NEDD1: variants seen among roughly 807,000 people sequenced by gnomAD.
NEDD1 encodes the protein NEDD1 gamma-tubulin ring complex targeting factor.
A neutral mutation model predicts 74.0 loss-of-function variants in NEDD1; 33 were observed. The observed-to-expected ratio is 0.45, with a 90% confidence interval of 0.34 to 0.60. The LOEUF (loss-of-function observed/expected upper bound fraction) is 0.60. Among genes scored for constraint, NEDD1 ranks in the 20% least tolerant of loss-of-function variants. NEDD1 has a pLI of 0.01. For synonymous variants in NEDD1, 250 were observed against 264.4 expected (o/e 0.95, Z 0.53); for missense variants, 746 against 776.5 (o/e 0.96, Z 0.47).
rs139494296 is a variant in NEDD1 at position 96,922,595 on chromosome 12, A to G, written c.489+2470A>G. Among the ~76,000 whole-genome samples the G allele has an allele frequency of 2.0e-5, 3 of 152,344 alleles. No homozygotes were observed. The East Asian group carries it at 5.8e-4, about 29-fold the overall frequency. ...ATTCCTGAAAACATTAGGTTTGACT[A>G]TACCTTTTGGCCTAATTTTGTGTAA... On this transcript the variant is annotated intron_variant, in intron 6 of 15. Transcript: ENST00000266742.
intron 7 of NEDD1, 69 bp from the exon 8 acceptor site, chr12:96,936,538 ATAGT>A: frequency 1.0e-6 from 1 of 1,002,958 alleles, no homozygotes; most frequent in Admixed American, 1.9e-5. Flanking sequence ...GTTTTGGTAT[ATAGT>A]TACTTATATA....
intron 3 of NEDD1, among the ~76,000 whole-genome samples, chr12:96,912,188 G>A (rs182224477): frequency 2.6e-5 from 4 of 151,406 alleles, no homozygotes; most frequent in Admixed American, 6.6e-5. Context: ...GCAAGTTACT[G>A]TAATAGTCAT....
At chr12:96,908,183 A>G (rs571390766) in intron 2 of NEDD1, among the ~76,000 whole-genome samples, 1 of 152,238 alleles carries the variant, frequency 6.6e-6, no homozygotes, top group Non-Finnish European at 1.5e-5. Flanking sequence ...ACATCTCTGC[A>G]GGTGACTTTA....
chr12:96,935,731 A>C (rs559014945), intron 7 of NEDD1, among the ~76,000 whole-genome samples: 2 of 152,234 alleles, frequency 1.3e-5, no homozygotes, highest in South Asian at 4.1e-4. Flanking sequence ...CCACTTGAGA[A>C]ATACTGATTA....
Position 96,930,843 on chromosome 12 carries a change from C to T in NEDD1, c.490-4133C>T, listed in dbSNP as rs116322130. Among the ~76,000 whole-genome samples, 22 of 152,268 alleles carry T rather than the reference C, an allele frequency of 1.4e-4. No individual in the cohort carries two copies. In the South Asian group the frequency reaches 2.9e-3, roughly 20 times the overall value. ...ATACACACACATACATGCACACACA[C>T]GTACACATGCACTCACAGTATTGAC... is the stretch of plus-strand genomic sequence containing the variant. On this transcript the variant is annotated intron_variant, in intron 6 of 15. Coordinates refer to ENST00000266742, the MANE Select transcript of NEDD1 (RefSeq NM_152905.4).
chr12:96,937,103 A>C, intron 8 of NEDD1, 95 bp from the exon 9 acceptor site: 1 of 714,180 alleles, frequency 1.4e-6, no homozygotes, highest in Non-Finnish European at 2.1e-6. Context: ...AAGGAAAAAA[A>C]TATATTTTTT....
Position 96,909,903 on chromosome 12 carries a change from T to TAA in NEDD1, c.136+8_136+9insAA. ...TATGTTGGAGCAGCAATAGTATCCT[T>TAA]TAAAAAAAAAAAACACACACACACA... is the stretch of plus-strand genomic sequence containing the variant. On this transcript the variant is annotated intron_variant, in intron 3 of 15. Coordinates refer to ENST00000266742, the MANE Select transcript of NEDD1 (RefSeq NM_152905.4). 6.4e-7 allele frequency: 1 copy of TAA among 1,568,314 alleles called. No homozygotes were observed. The highest frequency in any genetic ancestry group is 8.6e-7 in the Non-Finnish European group (1 of 1,160,966).
chr12:96,907,915 A>G, intron 2 of NEDD1, 59 bp downstream of exon 2: 1 of 1,277,722 alleles, frequency 7.8e-7, no homozygotes, highest in South Asian at 2.0e-5. Flanking sequence ...ACAAACATTA[A>G]ATCACCCGGC....
chr12:96,927,402 G>A (rs532065114), intron 6 of NEDD1, among the ~76,000 whole-genome samples: 1 of 152,298 alleles, frequency 6.6e-6, no homozygotes, highest in Non-Finnish European at 1.5e-5. Context: ...TTCTACAGGG[G>A]AAAAGAGCCT....
intron 6 of NEDD1, among the ~76,000 whole-genome samples, chr12:96,928,808 T>A (rs2136556015): frequency 6.8e-6 from 1 of 147,912 alleles, no homozygotes; most frequent in Middle Eastern, 3.5e-3. Context: ...TGCCTCAGCC[T>A]CCCGAGTAGC....
intron 5 of NEDD1, 73 bp from the exon 6 acceptor site, chr12:96,919,912 A>C: frequency 1.0e-6 from 1 of 960,624 alleles, no homozygotes; most frequent in Non-Finnish European, 1.6e-6. Context: ...AATGTATGGT[A>C]TTTACAGAAA....
At chr12:96,910,123 T>C (rs1334457453) in intron 3 of NEDD1, among the ~76,000 whole-genome samples, 1 of 152,216 alleles carries the variant, frequency 6.6e-6, no homozygotes, top group East Asian at 1.9e-4. Flanking sequence ...TACAACCCAC[T>C]TCATTTGAAA....
chr12:96,910,697 C>T (rs1365275329), intron 3 of NEDD1, among the ~76,000 whole-genome samples: 5 of 152,280 alleles, frequency 3.3e-5, no homozygotes, highest in South Asian at 2.1e-4. Flanking sequence ...CAACCCAAAA[C>T]GTTTCCAGAA....
chr12:96,930,207 ACACACTCTCTCT>A (rs1876279746), intron 6 of NEDD1, among the ~76,000 whole-genome samples: 5 of 91,246 alleles, frequency 5.5e-5, no homozygotes, highest in African/African-American at 2.5e-4. Context: ...ACACACACAC[ACACACTCTCTCT>A]CTCTCTCTCT....
At chr12:96,923,542 A>G (rs750910723) in intron 6 of NEDD1, among the ~76,000 whole-genome samples, 3 of 152,126 alleles carry the variant, frequency 2.0e-5, no homozygotes, top group South Asian at 2.1e-4. Context: ...TTTGATGGTT[A>G]TGTAGTGCTG....
At chr12:96,946,065 A>G (rs1878168368) in intron 14 of NEDD1, among the ~76,000 whole-genome samples, 1 of 152,154 alleles carries the variant, frequency 6.6e-6, no homozygotes, top group Admixed American at 6.6e-5. Flanking sequence ...ATTATTAGGT[A>G]ACTCAGCAGG....
intron 14 of NEDD1, among the ~76,000 whole-genome samples, chr12:96,950,885 G>A (rs1266017316): frequency 6.6e-6 from 1 of 151,736 alleles, no homozygotes; most frequent in Non-Finnish European, 1.5e-5. Flanking sequence ...TCTTTTGTAG[G>A]CATGAATTAA....
chr12:96,907,963 C>T, intron 2 of NEDD1, 107 bp downstream of exon 2: 2 of 1,023,198 alleles, frequency 2.0e-6, no homozygotes, highest in South Asian at 2.4e-5. Context: ...TCGTTTGAAC[C>T]CAGTTTTTCT....
rs377295844 is a variant in NEDD1, at chr12:96,940,559, T to C, written c.1246+22T>C. Reference sequence around the variant, plus strand: ...GATGGTAAGTCTGTTCAGAGGATCCTGTTCTCTTGCTGGTAGTTAATATTT... The same window carrying C: ...GATGGTAAGTCTGTTCAGAGGATCCCGTTCTCTTGCTGGTAGTTAATATTT... On this transcript the variant is annotated intron_variant, in intron 10 of 15. Transcript: ENST00000266742. 3.2e-6 allele frequency: 5 copies of C among 1,550,396 alleles called. No homozygotes were observed. The African/African-American group carries it at 6.9e-5, about 21-fold the overall frequency.
Sources: allele counts gnomAD v4.1 joint callset (sites outside exome capture counted in the v4.1 genomes callset), GRCh38; gene constraint gnomAD v4.1.1; transcripts MANE v1.5; gene names NCBI Gene and HGNC (gene_info 2026-07-23, HGNC 2026-07-21).